Variants in MCM6 observed in about 807,000 individuals in gnomAD.
MCM6 encodes the protein minichromosome maintenance complex component 6.
A neutral mutation model predicts 94.3 loss-of-function variants in MCM6; 46 were observed. The observed-to-expected ratio is 0.49, with a 90% CI of 0.39 to 0.62. MCM6 has a LOEUF of 0.62. Among genes scored for constraint, MCM6 ranks in the 20% least tolerant of loss-of-function variants. MCM6 has a pLI of 0.00. For missense variants in MCM6, 865 were observed against 1,017.9 expected, an observed-to-expected ratio of 0.85 and a Z score of 2.04; for synonymous variants, 335 against 351.9, an observed-to-expected ratio of 0.95 and a Z score of 0.54.
rs3769002 is a variant in MCM6, at chr2:135,868,434, T to C, written c.615+177A>G. ...GTTACTGAAAGTTAAAACAAATGTA[T>C]ATACTAACAATTATAATTTACATGA... On this transcript the variant is annotated intron_variant, in intron 4 of 16. Transcript: ENST00000264156. Among the ~76,000 whole-genome samples the C allele has an allele frequency of 0.17, 26,295 of 152,180 alleles. 2,789 individuals are homozygous for C. The highest frequency in any genetic ancestry group is 0.35 in the South Asian group (1,664 of 4,820).
intron 4 of MCM6, among the ~76,000 whole-genome samples, chr2:135,867,194 A>C (rs577622397): frequency 6.6e-6 from 1 of 152,326 alleles, no homozygotes; most frequent in African/African-American, 2.4e-5. Flanking sequence ...AACATCAAGA[A>C]ACTTCATACC....
rs545941508 is a variant in MCM6 at position 135,846,989 on chromosome 2, A to T, written c.2054-597T>A. Among the ~76,000 whole-genome samples, 3 of 152,208 alleles carry T rather than the reference A, an allele frequency of 2.0e-5. No individual in the cohort carries two copies. The East Asian group carries it at 5.8e-4, about 29-fold the overall frequency. On this transcript the variant is annotated intron_variant, in intron 14 of 16. Coordinates refer to ENST00000264156, the MANE Select transcript of MCM6 (RefSeq NM_005915.6). ...ATTGTACTCCAGCCTGGGCAACAAA[A>T]GCAAAACTCCATCTCAAAAATAAAA...
chr2:135,861,662 G>C (rs1384593851), intron 8 of MCM6, among the ~76,000 whole-genome samples: 5 of 152,134 alleles, frequency 3.3e-5, no homozygotes, highest in Non-Finnish European at 5.9e-5. Flanking sequence ...GCCCAGGATG[G>C]AGTGCAGTGG....
chr2:135,862,845 G>A (rs1030193055), intron 7 of MCM6, 97 bp from the exon 8 acceptor site: 7 of 1,310,438 alleles, frequency 5.3e-6, no homozygotes. Flanking sequence ...CCAACCGAAA[G>A]GCAGAGTCAG....
At chr2:135,856,254 C>T (rs565895418) in intron 11 of MCM6, among the ~76,000 whole-genome samples, 6 of 152,048 alleles carry the variant, frequency 3.9e-5, no homozygotes, top group African/African-American at 1.2e-4. Flanking sequence ...ACCAGCCTGA[C>T]CAACATGGTG....
At chr2:135,849,254 C>CCTT (rs1679726298) in intron 13 of MCM6, among the ~76,000 whole-genome samples, 1 of 152,162 alleles carries the variant, frequency 6.6e-6, no homozygotes, top group South Asian at 2.1e-4. Context: ...TGGCTCACCA[C>CCTT]CTTCTCTTCC....
chr2:135,849,842 G>A (rs950544791), intron 13 of MCM6, among the ~76,000 whole-genome samples: 8 of 152,130 alleles, frequency 5.3e-5, no homozygotes, highest in African/African-American at 1.4e-4. Flanking sequence ...ATCTTAGAGT[G>A]AGAAAGGCCT....
intron 8 of MCM6, 54 bp downstream of exon 8, chr2:135,862,553 G>C: frequency 6.2e-7 from 1 of 1,601,522 alleles, no homozygotes; most frequent in Non-Finnish European, 8.5e-7. Context: ...AGCACAGCCA[G>C]CCTGGGAACT....
chr2:135,864,436 G>A (rs1680052152), intron 7 of MCM6, among the ~76,000 whole-genome samples: 1 of 152,060 alleles, frequency 6.6e-6, no homozygotes. Context: ...GAGTGCTTCA[G>A]CCTAGACAAC....
At chr2:135,868,458 G>C (rs1680140947) in intron 4 of MCM6, among the ~76,000 whole-genome samples, 153 bp downstream of exon 4, 1 of 152,138 alleles carries the variant, frequency 6.6e-6, no homozygotes, top group Admixed American at 6.5e-5. Flanking sequence ...TAATTTACAT[G>C]AACAGTTTTG....
chr2:135,859,275 T>C (rs757761767), intron 9 of MCM6, 26 bp downstream of exon 9: 2 of 1,596,460 alleles, frequency 1.3e-6, no homozygotes, highest in Non-Finnish European at 1.7e-6. Flanking sequence ...GACTTCTTTA[T>C]ACTGAAGAGT....
Position 135,840,734 on chromosome 2 carries a change from CT to C in MCM6, c.*100del, listed in dbSNP as rs1679552778. The C allele has an allele frequency of 1.3e-6, 1 of 760,806 alleles. No homozygotes were observed. The highest frequency in any genetic ancestry group is 2.3e-6 in the Non-Finnish European group (1 of 441,904). 47.1% of individuals were successfully genotyped at this position (760,806 alleles called of 1,614,324 possible). A position where few individuals can be genotyped will look rare whatever the true frequency, so the allele number is the denominator to read the frequency against. On this transcript the variant is annotated 3_prime_UTR_variant, in exon 17 of 17. Transcript: ENST00000264156. Reference sequence around the variant, plus strand: ...CTGAAAACAAATCCTGGAAGCATCACTTCCAGAAACACTTCTGTCCCTAGCA... The same window carrying C: ...CTGAAAACAAATCCTGGAAGCATCACTCCAGAAACACTTCTGTCCCTAGCA...
chr2:135,874,205 A>G (rs931559153), intron 1 of MCM6, among the ~76,000 whole-genome samples: 1 of 152,122 alleles, frequency 6.6e-6, no homozygotes, highest in African/African-American at 2.4e-5. Context: ...TTATTGAAAA[A>G]CCTTTGTAAT....
In MCM6 at chr2:135,856,825, T is replaced by C. The variant is rs1441847802; in HGVS notation, c.1529A>G (p.Tyr510Cys). 6 of 1,614,086 alleles carry C rather than the reference T, an allele frequency of 3.7e-6. No individual in the cohort carries two copies. The highest frequency in any genetic ancestry group is 1.1e-5 in the South Asian group (1 of 91,090). The change falls in exon 11 of 17, where the codon TAT (tyrosine) becomes TGT (cysteine). Residue 510 changes from tyrosine to cysteine, a missense_variant. By Grantham distance (194) the Tyr-to-Cys change is radical. This residue lies in a region of MCM6 where 153 missense variants were observed against 241.5 expected (regional missense o/e 0.63). Coordinates refer to ENST00000264156, the MANE Select transcript of MCM6 (RefSeq NM_005915.6). ...LAAANPISGHYDRSKSLKQNI... is the reference protein window; with the variant it reads ...LAAANPISGHCDRSKSLKQNI... ...CTGTTTCAATGATTTTGATCTGTCA[T>C]AGTGTCCACTGATTGGGTTTGCTGC...
intron 2 of MCM6, 70 bp downstream of exon 2, chr2:135,872,627 C>T: frequency 2.0e-6 from 3 of 1,477,060 alleles, no homozygotes; most frequent in Middle Eastern, 1.8e-4. Context: ...TGAACACTTA[C>T]AGTCCAAGAA....
chr2:135,870,772 G>A (rs1354331819), intron 2 of MCM6, among the ~76,000 whole-genome samples: 2 of 152,120 alleles, frequency 1.3e-5, no homozygotes, highest in African/African-American at 4.8e-5. Flanking sequence ...TCTGAGACAA[G>A]GTCTCACTCT....
chr2:135,851,534 C>T lies in MCM6; in HGVS notation c.1785G>A (p.Val595=), dbSNP rs1679780439. The change falls in exon 13 of 17, where the codon GTG becomes GTA. Residue 595 remains valine (V), a synonymous_variant. Transcript: ENST00000264156. ...KISKESEDFI[V]EQYKHLRQRD... ...TCTGGCGGAGATGTTTATATTGCTC[C>T]ACAATGAAGTCCTCTGACTCTTTGG... 1.2e-6 allele frequency: 2 copies of T among 1,610,966 alleles called. No homozygotes were observed. The highest frequency in any genetic ancestry group is 1.7e-6 in the Non-Finnish European group (2 of 1,178,758).
chr2:135,847,656 C>T (rs776991350), intron 14 of MCM6, among the ~76,000 whole-genome samples: 28 of 152,248 alleles, frequency 1.8e-4, no homozygotes, highest in Admixed American at 3.3e-4. Flanking sequence ...CTCCGCCTCC[C>T]GGGTTCAAGT....
intron 11 of MCM6, 78 bp from the exon 12 acceptor site, chr2:135,852,993 T>G: frequency 7.5e-7 from 1 of 1,335,546 alleles, no homozygotes; most frequent in Non-Finnish European, 1.0e-6. Flanking sequence ...AAGAAATGAT[T>G]TATCGCCAAA....
Sources: allele counts gnomAD v4.1 joint callset (sites outside exome capture counted in the v4.1 genomes callset), GRCh38; gene constraint gnomAD v4.1.1; regional missense constraint gnomAD v4.1.1; transcripts MANE v1.5; gene names NCBI Gene and HGNC (gene_info 2026-07-23, HGNC 2026-07-21).